The following TEX9 variants were observed in gnomAD, a reference collection of about 807,000 sequenced individuals.
The protein encoded by TEX9 is testis-expressed protein 9.
In TEX9, 74 loss-of-function variants were observed where a neutral mutation model predicts 59.6. The observed-to-expected ratio is 1.24, with a 90% CI of 1.03 to 1.51. The LOEUF (loss-of-function observed/expected upper bound fraction) is 1.51, where lower values mean the gene tolerates loss of function less well. Among genes scored for constraint, TEX9 ranks in the 40% most tolerant of loss-of-function variants. TEX9 has a pLI of 0.00. For synonymous variants in TEX9, 186 were observed against 152.2 expected, an observed-to-expected ratio of 1.22 and a Z score of -1.64; for missense variants, 522 against 447.8, an observed-to-expected ratio of 1.17 and a Z score of -1.49.
intron 1 of TEX9, among the ~76,000 whole-genome samples, chr15:56,328,901 C>T (rs1400794049): frequency 6.6e-6 from 1 of 152,198 alleles, no homozygotes; most frequent in Non-Finnish European, 1.5e-5. Context: ...GGCTTCACCA[C>T]CTGCTGATTG....
intron 1 of TEX9, among the ~76,000 whole-genome samples, chr15:56,289,547 T>C (rs2045036968): frequency 1.3e-5 from 2 of 152,234 alleles, no homozygotes; most frequent in South Asian, 4.1e-4. Flanking sequence ...ACACTGTGGC[T>C]ATTCACAGTG....
intron 1 of TEX9, among the ~76,000 whole-genome samples, chr15:56,310,253 G>GA (rs1331152041): frequency 1.3e-5 from 2 of 152,138 alleles, no homozygotes; most frequent in Non-Finnish European, 2.9e-5. Context: ...CCAACATGGT[G>GA]AAACCCCGTC....
intron 1 of TEX9, among the ~76,000 whole-genome samples, chr15:56,282,629 A>G (rs2044844447): frequency 6.6e-6 from 1 of 152,184 alleles, no homozygotes; most frequent in African/African-American, 2.4e-5. Flanking sequence ...TAAGTCCAGG[A>G]AAAATGTATA....
At chr15:56,276,660 T>C (rs2044675603) in intron 1 of TEX9, among the ~76,000 whole-genome samples, 1 of 152,176 alleles carries the variant, frequency 6.6e-6, no homozygotes, top group Non-Finnish European at 1.5e-5. Flanking sequence ...GTCTTTATAG[T>C]AGAATGGTTT....
intron 1 of TEX9, among the ~76,000 whole-genome samples, chr15:56,261,642 G>A (rs1276575342): frequency 6.6e-6 from 1 of 152,086 alleles, no homozygotes; most frequent in African/African-American, 2.4e-5. Flanking sequence ...ACTTGAACCT[G>A]GGAAGGGGAG....
At chr15:56,392,020 T>A (rs945959255) in intron 7 of TEX9, among the ~76,000 whole-genome samples, 1 of 151,944 alleles carries the variant, frequency 6.6e-6, no homozygotes, top group South Asian at 2.1e-4. Context: ...TCCTATGCTA[T>A]TGAAACAAAA....
At chr15:56,452,565 C>T in the TEX9 span, among the ~76,000 whole-genome samples, 4 of 149,854 alleles carry the variant, frequency 2.7e-5, no homozygotes, top group Admixed American at 2.0e-4. Flanking sequence ...GTCGCCCAGG[C>T]TGGAGTGCAG....
At chr15:56,351,074 T>C (rs2046569061) in intron 1 of TEX9, among the ~76,000 whole-genome samples, 1 of 152,190 alleles carries the variant, frequency 6.6e-6, no homozygotes, top group Admixed American at 6.5e-5. Flanking sequence ...CAACAAATAA[T>C]GTTTTCCGTG....
downstream of TEX9, chr15:56,445,956 C>T (rs983756929): frequency 5.3e-5 from 8 of 152,038 alleles, no homozygotes; most frequent in African/African-American, 1.7e-4. Flanking sequence ...TCCACCTTTT[C>T]TTATCACCTG....
At chr15:56,430,469 G>T (rs1417234780) in intron 12 of TEX9, among the ~76,000 whole-genome samples, 1 of 152,156 alleles carries the variant, frequency 6.6e-6, no homozygotes, top group Non-Finnish European at 1.5e-5. Flanking sequence ...GCCTCCCAAA[G>T]TGCTGGGATT....
chr15:56,365,796 C>T, intron 2 of TEX9, 126 bp downstream of exon 2: 1 of 1,469,614 alleles, frequency 6.8e-7, no homozygotes, highest in Non-Finnish European at 9.0e-7. Context: ...CCCTTCTCGT[C>T]ATCTCGTTCA....
intron 12 of TEX9, chr15:56,443,796 G>C: frequency 1.2e-6 from 2 of 1,612,452 alleles, no homozygotes; most frequent in Non-Finnish European, 1.7e-6. Context: ...TGCTCTTTCT[G>C]AAACTCTTCT....
chr15:56,270,126 A>G (rs575724355), intron 1 of TEX9, among the ~76,000 whole-genome samples: 2 of 152,234 alleles, frequency 1.3e-5, no homozygotes, highest in East Asian at 3.9e-4. Flanking sequence ...TATTCTGTTG[A>G]TTTGAGGTGG....
chr15:56,445,564 C>A (rs2050893143), intron 12 of TEX9: 1 of 151,954 alleles, frequency 6.6e-6, no homozygotes, highest in African/African-American at 2.4e-5. Context: ...TTCTGATTAT[C>A]TTCTTTGTAC....
At chr15:56,403,487 C>T (rs1259220957) in intron 9 of TEX9, among the ~76,000 whole-genome samples, 1 of 152,192 alleles carries the variant, frequency 6.6e-6, no homozygotes, top group Non-Finnish European at 1.5e-5. Flanking sequence ...AAAGAGGACA[C>T]AAACAAATGG....
intron 1 of TEX9, among the ~76,000 whole-genome samples, chr15:56,316,762 T>A (rs1385021631): frequency 6.6e-6 from 1 of 152,210 alleles, no homozygotes; most frequent in African/African-American, 2.4e-5. Flanking sequence ...GCTGTCGCCT[T>A]GCAGTTTGAT....
At chr15:56,393,695 C>T (rs2048320156) in intron 7 of TEX9, 1 of 152,388 alleles carries the variant, frequency 6.6e-6, no homozygotes, top group South Asian at 2.1e-4. Context: ...AAAGCTTAGA[C>T]AGTAAGGTAT....
At chr15:56,376,918 T>C (rs2554292) in intron 3 of TEX9, among the ~76,000 whole-genome samples, 4,805 of 152,284 alleles carry the variant, frequency 0.032, 187 homozygotes, top group East Asian at 0.096. Context: ...ACATTTTGAT[T>C]TGATACTTGT....
At chr15:56,297,123 T>A (rs1297177483) in intron 1 of TEX9, among the ~76,000 whole-genome samples, 1 of 152,130 alleles carries the variant, frequency 6.6e-6, no homozygotes. Context: ...CTGTAGAAAT[T>A]ATATAAAGAG....
Sources: allele counts gnomAD v4.1 joint callset (sites outside exome capture counted in the v4.1 genomes callset), GRCh38; gene constraint gnomAD v4.1.1; transcripts MANE v1.5; gene names NCBI Gene and HGNC (gene_info 2026-07-23, HGNC 2026-07-21).